COG5: variants seen among roughly 807,000 people sequenced by gnomAD.
COG5 encodes the protein conserved oligomeric Golgi complex subunit 5.
A neutral mutation model predicts 110.4 loss-of-function variants in COG5; 86 were observed. The observed-to-expected ratio is 0.78, with a 90% CI of 0.65 to 0.93. The LOEUF (loss-of-function observed/expected upper bound fraction) is 0.93, where lower values mean the gene tolerates loss of function less well. COG5 is among the 40% of genes least tolerant of loss of function. The probability of loss-of-function intolerance (pLI) is 0.00; values close to 1 mark genes in which losing one functional copy is unlikely to be tolerated. For missense variants in COG5, 1,077 were observed against 987.0 expected, an observed-to-expected ratio of 1.09 and a Z score of -1.22; for synonymous variants, 360 against 334.6, an observed-to-expected ratio of 1.08 and a Z score of -0.83.
At chr7:107,323,845 T>A (rs1584677930) in intron 11 of COG5, among the ~76,000 whole-genome samples, 1 of 152,302 alleles carries the variant, frequency 6.6e-6, no homozygotes, top group East Asian at 1.9e-4. Context: ...CATTATATGC[T>A]CTTACCTAAA....
intron 1 of COG5, chr7:107,563,543 A>AGGGGGGGGGGGGG (rs1491334770): frequency 3.2e-6 from 1 of 311,020 alleles, no homozygotes. Flanking sequence ...AGCTGGAGGC[A>AGGGGGGGGGGGGG]TGGGGGGGGG....
At chr7:107,333,287 A>C (rs536522319) in intron 10 of COG5, among the ~76,000 whole-genome samples, 1 of 152,340 alleles carries the variant, frequency 6.6e-6, no homozygotes, top group East Asian at 1.9e-4. Flanking sequence ...CTTTGTTGAA[A>C]AATAGCCTTC....
At chr7:107,442,819 G>A (rs893028207) in intron 6 of COG5, among the ~76,000 whole-genome samples, 2 of 151,942 alleles carry the variant, frequency 1.3e-5, no homozygotes, top group Non-Finnish European at 2.9e-5. Context: ...AGAAACACCA[G>A]AAAGAAAGAA....
intron 18 of COG5, among the ~76,000 whole-genome samples, chr7:107,234,898 A>T (rs1355804530): frequency 6.6e-6 from 1 of 152,180 alleles, no homozygotes; most frequent in East Asian, 1.9e-4. Context: ...CTTTAAGCCA[A>T]GTGTACCTGT....
chr7:107,342,119 T>C (rs1459455845), intron 10 of COG5, among the ~76,000 whole-genome samples: 1 of 151,966 alleles, frequency 6.6e-6, no homozygotes, highest in East Asian at 1.9e-4. Context: ...ATTCACAAAC[T>C]ATGCATCCAA....
chr7:107,383,969 G>GTA (rs1554427614), intron 7 of COG5, among the ~76,000 whole-genome samples: 28 of 152,042 alleles, frequency 1.8e-4, no homozygotes, highest in African/African-American at 6.5e-4. Context: ...AAAGGATAAA[G>GTA]TTTTTTTTGC....
At chr7:107,243,460 C>T (rs1271750457) in intron 17 of COG5, among the ~76,000 whole-genome samples, 1 of 144,686 alleles carries the variant, frequency 6.9e-6, no homozygotes, top group Non-Finnish European at 1.5e-5. Flanking sequence ...TGCAGTGAGC[C>T]GAGATCACGC....
chr7:107,442,039 T>A (rs1234518147), intron 6 of COG5, among the ~76,000 whole-genome samples: 1 of 152,212 alleles, frequency 6.6e-6, no homozygotes, highest in East Asian at 1.9e-4. Context: ...CATCTGGTGA[T>A]GTGGTTTGGC....
chr7:107,525,683 G>A (rs1800678018), intron 6 of COG5, among the ~76,000 whole-genome samples: 1 of 152,000 alleles, frequency 6.6e-6, no homozygotes, highest in Non-Finnish European at 1.5e-5. Flanking sequence ...TTCCCAAGTA[G>A]TTGAGACTGC....
In COG5 at chr7:107,520,778, G is replaced by C. The variant is rs559740703; in HGVS notation, c.538+6459C>G. ...CAAACTACCATTAACATTCTTCACA[G>C]AGTTAGAAAAAACTACTTTAAATTT... On this transcript the variant is annotated intron_variant, in intron 6 of 21. Transcript: ENST00000297135. 2.0e-5 allele frequency among the ~76,000 whole-genome samples: 3 copies of C among 152,222 alleles called. No homozygotes were observed. In the South Asian group the frequency reaches 6.2e-4, roughly 32 times the overall value.
intron 6 of COG5, among the ~76,000 whole-genome samples, chr7:107,455,564 T>C (rs1795611009): frequency 6.6e-6 from 1 of 152,188 alleles, no homozygotes; most frequent in Non-Finnish European, 1.5e-5. Flanking sequence ...ACACAGACTA[T>C]ATACAGCCCA....
intron 10 of COG5, among the ~76,000 whole-genome samples, chr7:107,348,012 G>T (rs1040649425): frequency 6.7e-6 from 1 of 150,096 alleles, no homozygotes; most frequent in East Asian, 2.0e-4. Flanking sequence ...TGTAGTCCCA[G>T]CTACTCAGGA....
chr7:107,472,866 T>A (rs1796721523), intron 6 of COG5: 1 of 151,962 alleles, frequency 6.6e-6, no homozygotes, highest in Admixed American at 6.6e-5. Context: ...ATTTGAAATG[T>A]GAAATATAGT....
chr7:107,552,445 T>C (rs1802974901), intron 3 of COG5, among the ~76,000 whole-genome samples: 1 of 150,922 alleles, frequency 6.6e-6, no homozygotes, highest in Non-Finnish European at 1.5e-5. Flanking sequence ...AAAACACAAC[T>C]CCATTAAAAA....
At chr7:107,369,806 T>C (rs1813965069) in intron 8 of COG5, among the ~76,000 whole-genome samples, 1 of 152,198 alleles carries the variant, frequency 6.6e-6, no homozygotes, top group Non-Finnish European at 1.5e-5. Context: ...TAAAATTGAG[T>C]AAAGTGAATT....
At chr7:107,381,685 C>A (rs986108182) in intron 7 of COG5, among the ~76,000 whole-genome samples, 2 of 152,132 alleles carry the variant, frequency 1.3e-5, no homozygotes, top group African/African-American at 4.8e-5. Flanking sequence ...GGAAAATGTA[C>A]AAGACTCACG....
chr7:107,295,058 CACACACACATATATATATATATAT>C (rs1447750105), intron 12 of COG5, among the ~76,000 whole-genome samples: 10 of 62,110 alleles, frequency 1.6e-4, no homozygotes, highest in Admixed American at 5.8e-4. Flanking sequence ...CACACACACA[CACACACACATATATATATATATAT>C]ATATATATAT....
chr7:107,558,982 G>A (rs1247988932), intron 1 of COG5, among the ~76,000 whole-genome samples: 1 of 136,910 alleles, frequency 7.3e-6, no homozygotes, highest in African/African-American at 2.8e-5. Context: ...CAAGATCATT[G>A]TCAGTGAAAA....
chr7:107,297,508 AC>A (rs1806862580), intron 12 of COG5, among the ~76,000 whole-genome samples: 1 of 125,498 alleles, frequency 8.0e-6, no homozygotes, highest in Non-Finnish European at 1.6e-5. Flanking sequence ...GAGTGCAGTG[AC>A]GTGATCTCAG....
Sources: allele counts gnomAD v4.1 joint callset (sites outside exome capture counted in the v4.1 genomes callset), GRCh38; gene constraint gnomAD v4.1.1; transcripts MANE v1.5; gene names NCBI Gene and HGNC (gene_info 2026-07-23, HGNC 2026-07-21).